The following CHCHD6 variants were observed in gnomAD, a reference collection of about 807,000 sequenced individuals.
The protein encoded by CHCHD6 is coiled-coil-helix-coiled-coil-helix domain containing 6.
CHCHD6 carries 28 observed loss-of-function variants against 32.3 expected under a neutral mutation model. That is an observed-to-expected ratio of 0.87 (90% CI 0.64 to 1.19). The LOEUF is 1.19. Ranked by LOEUF, CHCHD6 falls within the 50% of genes most tolerant of loss-of-function variation. The probability of loss-of-function intolerance (pLI) is 0.00; values close to 1 mark genes in which losing one functional copy is unlikely to be tolerated. For synonymous variants in CHCHD6, 122 were observed against 117.5 expected (o/e 1.04, Z -0.25); for missense variants, 333 against 307.0 (o/e 1.08, Z -0.63).
intron 6 of CHCHD6, among the ~76,000 whole-genome samples, chr3:126,925,523 T>G (rs1488549357): frequency 6.6e-6 from 1 of 152,210 alleles, no homozygotes; most frequent in African/African-American, 2.4e-5. Flanking sequence ...AGCAGCCATG[T>G]CACTCTGCAC....
At chr3:126,745,208 G>A (rs1300621257) in intron 4 of CHCHD6, among the ~76,000 whole-genome samples, 3 of 152,196 alleles carry the variant, frequency 2.0e-5, no homozygotes, top group African/African-American at 7.2e-5. Context: ...TTAAAGAAGA[G>A]GGAAGAGGGA....
chr3:126,919,504 A>G (rs972948320), intron 6 of CHCHD6, among the ~76,000 whole-genome samples: 3 of 151,598 alleles, frequency 2.0e-5, no homozygotes, highest in Admixed American at 2.0e-4. Flanking sequence ...TAGTAGAGAA[A>G]GGGTTTCACT....
intron 4 of CHCHD6, among the ~76,000 whole-genome samples, chr3:126,774,869 A>C (rs1438367431): frequency 6.6e-6 from 1 of 152,206 alleles, no homozygotes; most frequent in East Asian, 1.9e-4. Context: ...TCCTTTGGCT[A>C]GAAAGAGCTG....
chr3:126,758,465 C>A (rs1042696875), intron 4 of CHCHD6, among the ~76,000 whole-genome samples: 2 of 152,278 alleles, frequency 1.3e-5, no homozygotes, highest in Admixed American at 1.3e-4. Context: ...AAGGTAGACA[C>A]GGTAGAGGAT....
At chr3:126,771,747 T>C (rs372703514) in intron 4 of CHCHD6, among the ~76,000 whole-genome samples, 1 of 152,244 alleles carries the variant, frequency 6.6e-6, no homozygotes, top group Non-Finnish European at 1.5e-5. Context: ...TTGGGGATCT[T>C]TCTAAGTTTT....
chr3:126,935,523 A>C (rs150718080), intron 6 of CHCHD6, among the ~76,000 whole-genome samples: 2 of 152,230 alleles, frequency 1.3e-5, no homozygotes, highest in African/African-American at 2.4e-5. Context: ...GCAGAGTGGG[A>C]TAGCTATTGT....
intron 4 of CHCHD6, chr3:126,766,625 G>T: frequency 9.7e-7 from 1 of 1,035,504 alleles, no homozygotes; most frequent in Non-Finnish European, 1.5e-6. Flanking sequence ...GTTCCCCGAA[G>T]GTCGGTGATG....
At chr3:126,834,774 G>A (rs1271507764) in intron 4 of CHCHD6, among the ~76,000 whole-genome samples, 1 of 152,164 alleles carries the variant, frequency 6.6e-6, no homozygotes, top group Non-Finnish European at 1.5e-5. Flanking sequence ...TTGGAAATTG[G>A]ACAGAACCTC....
intron 4 of CHCHD6, chr3:126,767,317 G>C (rs1228401451): frequency 1.9e-6 from 2 of 1,054,416 alleles, no homozygotes; most frequent in Non-Finnish European, 3.0e-6. Flanking sequence ...CAAACACGGA[G>C]CCCATTTCCA....
intron 5 of CHCHD6, among the ~76,000 whole-genome samples, chr3:126,872,380 A>G (rs1167062013): frequency 6.6e-6 from 1 of 151,966 alleles, no homozygotes; most frequent in Non-Finnish European, 1.5e-5. Flanking sequence ...ATTTTTTTTT[A>G]AGTGCCAAGA....
intron 4 of CHCHD6, among the ~76,000 whole-genome samples, chr3:126,834,309 T>C (rs1448832352): frequency 3.3e-5 from 5 of 152,132 alleles, no homozygotes; most frequent in South Asian, 2.1e-4. Context: ...AGAATAATTA[T>C]AGGATATATT....
intron 6 of CHCHD6, among the ~76,000 whole-genome samples, chr3:126,937,208 C>T (rs930753453): frequency 1.3e-5 from 2 of 152,236 alleles, no homozygotes; most frequent in Non-Finnish European, 2.9e-5. Flanking sequence ...TGTTCTGGCT[C>T]GAGTCCACTG....
intron 5 of CHCHD6, among the ~76,000 whole-genome samples, chr3:126,868,981 C>G (rs949866722): frequency 6.6e-6 from 1 of 152,200 alleles, no homozygotes; most frequent in African/African-American, 2.4e-5. Context: ...GTCTCATGAG[C>G]TTTCATCAGC....
At chr3:126,874,935 C>T (rs2077520955) in intron 5 of CHCHD6, among the ~76,000 whole-genome samples, 1 of 152,326 alleles carries the variant, frequency 6.6e-6, no homozygotes, top group South Asian at 2.1e-4. Flanking sequence ...GGACCTGCTT[C>T]TGCCTTGGGG....
chr3:126,864,869 TCATCTCCTCCTCCTCCTCCAC>T (rs1942199853), intron 5 of CHCHD6, among the ~76,000 whole-genome samples: 1 of 69,886 alleles, frequency 1.4e-5, no homozygotes, highest in African/African-American at 7.0e-5. Flanking sequence ...TCCTCCACCA[TCATCTCCTCCTCCTCCTCCAC>T]CATCACCTCC....
At chr3:126,862,482 TTCC>T (rs1941960108) in intron 5 of CHCHD6, among the ~76,000 whole-genome samples, 1 of 5,950 alleles carries the variant, frequency 1.7e-4, no homozygotes, top group African/African-American at 7.3e-4. Context: ...CCTCCTCCTC[TTCC>T]TCCACCATCA....
At chr3:126,863,481 C>T (rs1317088568) in intron 5 of CHCHD6, among the ~76,000 whole-genome samples, 1 of 145,044 alleles carries the variant, frequency 6.9e-6, no homozygotes, top group Non-Finnish European at 1.5e-5. Flanking sequence ...CCACCACCAT[C>T]ACCACCTCCT....
chr3:126,706,465 A>C (rs1430317606), intron 1 of CHCHD6, among the ~76,000 whole-genome samples: 1 of 152,140 alleles, frequency 6.6e-6, no homozygotes, highest in African/African-American at 2.4e-5. Context: ...CAGCCTGAAA[A>C]TTTTGTGACA....
chr3:126,815,078 G>A (rs1939820601), intron 4 of CHCHD6, among the ~76,000 whole-genome samples: 1 of 152,194 alleles, frequency 6.6e-6, no homozygotes, highest in South Asian at 2.1e-4. Context: ...TGGTGTGAGG[G>A]CAGAGGAAAA....
Sources: gnomAD v4.1 joint callset for allele counts (sites outside exome capture counted in the v4.1 genomes callset) on GRCh38, gnomAD v4.1.1 for gene constraint, MANE v1.5 for transcripts, NCBI Gene and HGNC (gene_info 2026-07-23, HGNC 2026-07-21) for gene names.